WASF3: variants seen among roughly 807,000 people sequenced by gnomAD.
WASF3 encodes the protein actin-binding protein WASF3.
In WASF3, 11 loss-of-function variants were observed where a neutral mutation model predicts 46.6. That is an observed-to-expected ratio of 0.24 (90% CI 0.15 to 0.39). The LOEUF is 0.39. Ranked by LOEUF, WASF3 falls within the 10% of genes least tolerant of loss-of-function variation. The pLI, the probability that WASF3 is intolerant of heterozygous loss-of-function variation, is 1.00. For synonymous variants in WASF3, 242 were observed against 259.7 expected (o/e 0.93, Z 0.65); for missense variants, 576 against 669.8 (o/e 0.86, Z 1.55).
intron 1 of WASF3, among the ~76,000 whole-genome samples, chr13:26,589,458 G>A (rs1454332447): frequency 6.6e-6 from 1 of 152,196 alleles, no homozygotes. Context: ...ATATGGCTTA[G>A]AAAGTGACTT....
upstream of WASF3, among the ~76,000 whole-genome samples, chr13:26,555,056 T>C (rs7985287): frequency 0.014 from 2,098 of 152,260 alleles, 59 homozygotes; most frequent in African/African-American, 0.047. Flanking sequence ...TATCCTTAGG[T>C]TTTTTGTTGT....
intron 2 of WASF3, among the ~76,000 whole-genome samples, chr13:26,613,338 T>C (rs1389534402): frequency 6.6e-6 from 1 of 152,162 alleles, no homozygotes; most frequent in Non-Finnish European, 1.5e-5. Flanking sequence ...AGTTTATGAC[T>C]TATTAAGCTG....
At position 26,682,528 on chromosome 13, in the gene WASF3, T is replaced by A; in HGVS notation, c.984-79T>A. The A allele has an allele frequency of 1.3e-6, 2 of 1,568,150 alleles. No homozygotes were observed. Among genetic ancestry groups the A allele is most frequent in the Non-Finnish European group, 1.7e-6 (2 of 1,149,402 alleles). The stretch of plus-strand genomic sequence containing the variant: ...AATACGTGTTGTGTCTGGGGATGGC[T>A]CCGTTAGGTGTCTAAGAGCTCCCAG... On this transcript the variant is annotated intron_variant, in intron 8 of 9. Coordinates refer to ENST00000335327, the MANE Select transcript of WASF3 (RefSeq NM_006646.6). This position sits in a 1 kb window ranked among gnomAD's most constrained non-coding sequence, Gnocchi z 4.4.
At chr13:26,547,132 G>T in the WASF3 span, among the ~76,000 whole-genome samples, 2 of 151,916 alleles carry the variant, frequency 1.3e-5, no homozygotes, top group African/African-American at 4.8e-5. Context: ...CAGCTAGGAA[G>T]CTCAAAACAA....
chr13:26,624,834 A>G (rs1381880783), intron 2 of WASF3, among the ~76,000 whole-genome samples: 1 of 152,198 alleles, frequency 6.6e-6, no homozygotes, highest in Non-Finnish European at 1.5e-5. Context: ...GTGAAATAAC[A>G]TTTTTAAAGT....
chr13:26,542,006 G>A, the WASF3 span, among the ~76,000 whole-genome samples: 1 of 152,164 alleles, frequency 6.6e-6, no homozygotes, highest in African/African-American at 2.4e-5. Context: ...TATCATGCCT[G>A]ACATGCTGTG....
chr13:26,657,880 G>A (rs1369737935), intron 3 of WASF3, among the ~76,000 whole-genome samples: 1 of 152,152 alleles, frequency 6.6e-6, no homozygotes, highest in African/African-American at 2.4e-5. Context: ...ACACTTGTCA[G>A]CTTTCAGCAG....
chr13:26,638,640 G>C (rs1261051971), intron 2 of WASF3: 1 of 152,178 alleles, frequency 6.6e-6, no homozygotes, highest in Non-Finnish European at 1.5e-5. Context: ...CACTGACCCA[G>C]CATTTTTTCC....
chr13:26,627,912 T>A (rs581714), intron 2 of WASF3, among the ~76,000 whole-genome samples: 140,054 of 148,204 alleles, frequency 0.95, 66,123 homozygotes, highest in South Asian at 0.99. Context: ...ACCCTAAAAA[T>A]AAAATAAAAT....
At chr13:26,615,868 A>C (rs1881117854) in intron 2 of WASF3, among the ~76,000 whole-genome samples, 1 of 152,152 alleles carries the variant, frequency 6.6e-6, no homozygotes, top group Non-Finnish European at 1.5e-5. Flanking sequence ...ATGTAAATGG[A>C]ATAATACAGT....
At position 26,686,139 on chromosome 13, in the gene WASF3, G is replaced by T; in HGVS notation, c.*294G>T. 1 of 341,290 alleles carries T rather than the reference G, an allele frequency of 2.9e-6. No homozygotes were observed. The allele number at this position is 341,290 out of a possible 1,614,324, so 21.1% of individuals were successfully genotyped here. On this transcript the variant is annotated 3_prime_UTR_variant, in exon 10 of 10. Transcript: ENST00000335327. The stretch of plus-strand genomic sequence containing the variant: ...CCATGAGAGTATTTAGTGCAGTTTG[G>T]GTTTACTCTTACTGATCAATATAAC...
intron 2 of WASF3, among the ~76,000 whole-genome samples, chr13:26,629,258 C>A (rs57217464): frequency 2.0e-5 from 3 of 152,208 alleles, no homozygotes; most frequent in Non-Finnish European, 4.4e-5. Flanking sequence ...ACAAGTGATA[C>A]AGAAATCTTC....
At chr13:26,622,314 A>C (rs955092468) in intron 2 of WASF3, among the ~76,000 whole-genome samples, 1 of 152,198 alleles carries the variant, frequency 6.6e-6, no homozygotes, top group Non-Finnish European at 1.5e-5. Context: ...AAATCTATTC[A>C]GTTAATTTTG....
At chr13:26,645,725 C>T (rs560604128) in intron 3 of WASF3, among the ~76,000 whole-genome samples, 1 of 151,958 alleles carries the variant, frequency 6.6e-6, no homozygotes, top group Non-Finnish European at 1.5e-5. Context: ...AATATGTGAC[C>T]TGTAATCAAG....
chr13:26,681,221 A>C lies in WASF3; in HGVS notation c.884A>C (p.His295Pro), dbSNP rs1454104588. The change falls in exon 8 of 10, where the codon CAC (histidine) becomes CCC (proline). Residue 295 changes from histidine (H) to proline (P), a missense_variant. By Grantham distance (77) the His-to-Pro change is moderately conservative (BLOSUM62 -2). Transcript: ENST00000335327. ...EYRPPSASAR[H>P]MALNRPQQPP... ...CGGCCCCCATCTGCCTCGGCGAGGC[A>C]CATGGCCCTCAACAGACCTCAGCAG... is the stretch of plus-strand genomic sequence containing the variant. 1.9e-6 allele frequency: 3 copies of C among 1,613,978 alleles called. No individual in the cohort carries two copies. The highest frequency in any genetic ancestry group is 2.5e-6 in the Non-Finnish European group (3 of 1,179,990).
chr13:26,572,140 G>A (rs978523566), intron 1 of WASF3, among the ~76,000 whole-genome samples: 1 of 152,180 alleles, frequency 6.6e-6, no homozygotes, highest in Non-Finnish European at 1.5e-5. Flanking sequence ...CCACTAGAGA[G>A]TTGTTGTTCT....
chr13:26,637,162 G>C (rs1881853270), intron 2 of WASF3, among the ~76,000 whole-genome samples: 1 of 152,196 alleles, frequency 6.6e-6, no homozygotes, highest in African/African-American at 2.4e-5. Context: ...TATCAACTTA[G>C]CATCCAGAAA....
At chr13:26,591,834 T>C (rs1235758611) in intron 1 of WASF3, among the ~76,000 whole-genome samples, 1 of 152,130 alleles carries the variant, frequency 6.6e-6, no homozygotes, top group African/African-American at 2.4e-5. Flanking sequence ...TTGTAGGTTC[T>C]TGAGGTCGGG....
chr13:26,580,932 CTT>C (rs5802385), intron 1 of WASF3, among the ~76,000 whole-genome samples: 23 of 136,672 alleles, frequency 1.7e-4, no homozygotes, highest in Admixed American at 2.9e-4. Flanking sequence ...GCATAAATTT[CTT>C]TTTTTTTTTT....
Sources: gnomAD v4.1 joint callset for allele counts (sites outside exome capture counted in the v4.1 genomes callset) on GRCh38, gnomAD v4.1.1 for gene constraint, Gnocchi (gnomAD v3.1) non-coding constraint, MANE v1.5 for transcripts, NCBI Gene and HGNC (gene_info 2026-07-23, HGNC 2026-07-21) for gene names.